The following RAE1 variants were observed in gnomAD, a reference collection of about 807,000 sequenced individuals.
The protein encoded by RAE1 is ribonucleic acid export 1.
RAE1 carries 13 observed loss-of-function variants against 52.7 expected under a neutral mutation model. That is an observed-to-expected ratio of 0.25 (90% CI 0.16 to 0.39). The LOEUF (loss-of-function observed/expected upper bound fraction) is 0.39. Among genes scored for constraint, RAE1 ranks in the 10% least tolerant of loss-of-function variants. RAE1 has a pLI of 1.00. For missense variants in RAE1, 262 were observed against 459.8 expected (o/e 0.57, Z 3.93); for synonymous variants, 164 against 153.1 (o/e 1.07, Z -0.52).
Position 57,351,983 on chromosome 20 carries a change from T to A in RAE1, c.-8+561T>A. The A allele has an allele frequency of 3.0e-6, 3 of 985,230 alleles. No homozygotes were observed. In the South Asian group the frequency reaches 1.4e-4, roughly 46 times the overall value. The allele number at this position is 985,230 out of a possible 1,614,324, so 61.0% of individuals were successfully genotyped here. On this transcript the variant is annotated intron_variant, in intron 1 of 11. Transcript: ENST00000395841. The stretch of plus-strand genomic sequence containing the variant: ...TTGTACTGTGGGACCCAGTATGCAT[T>A]AAGGGAAGAATCCAGGCAAGTGGCT...
At chr20:57,377,460 G>C (rs1039969372) in intron 11 of RAE1, among the ~76,000 whole-genome samples, 1 of 152,140 alleles carries the variant, frequency 6.6e-6, no homozygotes, top group African/African-American at 2.4e-5. Context: ...TCCTGATTTC[G>C]GGGGTCTTTC....
intron 8 of RAE1, among the ~76,000 whole-genome samples, chr20:57,370,579 G>A (rs1327768187): frequency 6.6e-6 from 1 of 152,196 alleles, no homozygotes; most frequent in Non-Finnish European, 1.5e-5. Context: ...TCCTTGGTGT[G>A]TCTCCCAGGC....
intron 11 of RAE1, among the ~76,000 whole-genome samples, chr20:57,375,259 A>G (rs572263955): frequency 3.1e-4 from 34 of 111,242 alleles, no homozygotes; most frequent in Admixed American, 1.1e-3. Context: ...ACTCTGCCCA[A>G]CCCCATGGGA....
intron 4 of RAE1, chr20:57,358,922 A>G (rs1406728074): frequency 1.2e-5 from 17 of 1,369,298 alleles, no homozygotes; most frequent in Non-Finnish European, 1.1e-5. Flanking sequence ...TTTTATTTGC[A>G]TTGATGAATT....
At chr20:57,351,531 G>T in intron 1 of RAE1, 109 bp downstream of exon 1, 1 of 985,498 alleles carries the variant, frequency 1.0e-6, no homozygotes, top group Non-Finnish European at 1.2e-6. Context: ...GCGCGAGCGG[G>T]ACTGTTGACT....
chr20:57,353,708 G>C (rs1293897009), intron 1 of RAE1, among the ~76,000 whole-genome samples: 1 of 152,200 alleles, frequency 6.6e-6, no homozygotes, highest in African/African-American at 2.4e-5. Flanking sequence ...TTATTTTCTA[G>C]CTGGTGCCTA....
intron 5 of RAE1, 48 bp downstream of exon 5, chr20:57,365,490 CTG>C (rs1568787027): frequency 1.6e-6 from 2 of 1,277,084 alleles, no homozygotes; most frequent in Non-Finnish European, 2.2e-6. Flanking sequence ...GTACCCAGGA[CTG>C]TGATGGCTCT....
At chr20:57,356,134 A>G (rs74954401) in intron 3 of RAE1, among the ~76,000 whole-genome samples, 542 of 152,320 alleles carry the variant, frequency 3.6e-3, no homozygotes, top group African/African-American at 0.012. Context: ...GTAAGTTTCT[A>G]CTTTGGTCTT....
intron 4 of RAE1, among the ~76,000 whole-genome samples, chr20:57,364,732 C>T (rs2066931724): frequency 6.6e-6 from 1 of 152,198 alleles, no homozygotes; most frequent in Non-Finnish European, 1.5e-5. Flanking sequence ...ACTTTGAGTT[C>T]TCTGTGTGAA....
chr20:57,356,633 TCA>T, intron 4 of RAE1, 95 bp downstream of exon 4: 3 of 1,103,352 alleles, frequency 2.7e-6, no homozygotes, highest in Non-Finnish European at 3.9e-6. Context: ...ATATATGTGT[TCA>T]TATTGTAGGA....
chr20:57,354,032 G>A lies in RAE1; in HGVS notation c.-7G>A. 1 of 1,611,836 alleles carries A rather than the reference G, an allele frequency of 6.2e-7. No individual in the cohort carries two copies. The highest frequency in any genetic ancestry group is 8.5e-7 in the Non-Finnish European group (1 of 1,178,796). On this transcript the variant is annotated splice_region_variant and 5_prime_UTR_variant, in exon 2 of 12. Transcript: ENST00000395841. ...CTTAACATTTTTCATTACTTTTTAG[G>A]TTCAAAATGAGCCTGTTTGGAACAA...
chr20:57,375,461 G>C (rs1258836727), intron 11 of RAE1, among the ~76,000 whole-genome samples: 1 of 152,116 alleles, frequency 6.6e-6, no homozygotes, highest in African/African-American at 2.4e-5. Flanking sequence ...TCACATAGGA[G>C]GGGCTTCCAG....
chr20:57,358,965 T>A, intron 4 of RAE1: 1 of 1,465,274 alleles, frequency 6.8e-7, no homozygotes, highest in East Asian at 2.7e-5. Flanking sequence ...TCTTATTTGT[T>A]TATATCCGCC....
At chr20:57,359,113 A>C in intron 4 of RAE1, 1 of 1,094,342 alleles carries the variant, frequency 9.1e-7, no homozygotes. Context: ...GCTGTTGAAT[A>C]TATGTCACTG....
At chr20:57,370,849 G>A (rs1231943464) in intron 8 of RAE1, among the ~76,000 whole-genome samples, 2 of 152,194 alleles carry the variant, frequency 1.3e-5, no homozygotes, top group African/African-American at 2.4e-5. Context: ...TGTAAAAGGT[G>A]CTCTGTGAAT....
rs1208621085 is a variant in RAE1, at chr20:57,354,076, G to A, written c.38G>A (p.Ser13Asn). Residue 13 changes from serine (S) to asparagine (N), a missense_variant, in exon 2 of 12, where the codon AGT (serine) becomes AAT (asparagine). Transcript: ENST00000395841. ...GGAACAACCTCAGGTTTTGGAACCA[G>A]TGGGACCAGCATGTTTGGCAGTGCA... ...LFGTTSGFGTSGTSMFGSATT... is the reference protein window; with the variant it reads ...LFGTTSGFGTNGTSMFGSATT... 1.2e-6 allele frequency: 2 copies of A among 1,614,110 alleles called. No individual in the cohort carries two copies. Among genetic ancestry groups the A allele is most frequent in the Non-Finnish European group, 1.7e-6 (2 of 1,179,974 alleles).
chr20:57,374,099 C>T (rs570545164), intron 10 of RAE1, among the ~76,000 whole-genome samples: 126 of 152,306 alleles, frequency 8.3e-4, no homozygotes, highest in African/African-American at 3.0e-3. Flanking sequence ...CCAGGCTGGT[C>T]TCGAACTCCT....
chr20:57,354,595 T>C, intron 2 of RAE1, 117 bp from the exon 3 acceptor site: 1 of 640,588 alleles, frequency 1.6e-6, no homozygotes, highest in Non-Finnish European at 2.6e-6. Flanking sequence ...AAAGGTCTAA[T>C]TCAGTTAGTT....
chr20:57,373,804 A>G, intron 10 of RAE1, 66 bp downstream of exon 10: 1 of 1,506,364 alleles, frequency 6.6e-7, no homozygotes, highest in Non-Finnish European at 9.2e-7. Flanking sequence ...TGGCTGAGGA[A>G]TTGTGGGATC....
Sources: allele counts gnomAD v4.1 joint callset (sites outside exome capture counted in the v4.1 genomes callset), GRCh38; gene constraint gnomAD v4.1.1; transcripts MANE v1.5; gene names NCBI Gene and HGNC (gene_info 2026-07-23, HGNC 2026-07-21).